Variants in NALCN observed in about 807,000 individuals in gnomAD.
NALCN encodes sodium leak channel, non-selective.
A neutral mutation model predicts 225.3 loss-of-function variants in NALCN; 111 were observed. That is an observed-to-expected ratio of 0.49 (90% CI 0.42 to 0.58). NALCN has a LOEUF of 0.58. NALCN is among the 20% of genes least tolerant of loss of function. The pLI is 0.00. For missense variants in NALCN, 1,378 were observed against 2,202.4 expected (o/e 0.63, Z 7.49); for synonymous variants, 764 against 769.0 (o/e 0.99, Z 0.11).
chr13:101,279,678 G>A (rs1273775309), intron 10 of NALCN, among the ~76,000 whole-genome samples: 7 of 149,022 alleles, frequency 4.7e-5, no homozygotes, highest in African/African-American at 7.3e-5. Context: ...TTAGCCGGGC[G>A]TAGTGGCGGG....
intron 6 of NALCN, among the ~76,000 whole-genome samples, chr13:101,354,254 A>G (rs1202902297): frequency 6.6e-6 from 1 of 152,176 alleles, no homozygotes; most frequent in African/African-American, 2.4e-5. Flanking sequence ...GAGGCAGGAG[A>G]ATCACTTGAA....
intron 13 of NALCN, among the ~76,000 whole-genome samples, chr13:101,223,696 G>A (rs1007716049): frequency 2.0e-5 from 3 of 152,032 alleles, no homozygotes; most frequent in African/African-American, 4.8e-5. Context: ...ATAAAGACTC[G>A]GTTACACTTT....
intron 12 of NALCN, among the ~76,000 whole-genome samples, chr13:101,233,307 T>C (rs1383457547): frequency 6.6e-6 from 1 of 152,100 alleles, no homozygotes; most frequent in Non-Finnish European, 1.5e-5. Flanking sequence ...TAGTTAAGAA[T>C]ATGAACTCTG....
At chr13:101,263,351 T>G (rs908346685) in intron 10 of NALCN, among the ~76,000 whole-genome samples, 1 of 152,210 alleles carries the variant, frequency 6.6e-6, no homozygotes, top group Non-Finnish European at 1.5e-5. Flanking sequence ...CATTAAAATT[T>G]TTATTGTTAT....
At chr13:101,260,154 G>A (rs919098170) in intron 10 of NALCN, among the ~76,000 whole-genome samples, 22 of 151,964 alleles carry the variant, frequency 1.4e-4, no homozygotes, top group Non-Finnish European at 5.9e-5. Context: ...GGCTTATTTC[G>A]CTTAACATAA....
In NALCN at chr13:101,083,152, T is replaced by C; in HGVS notation, c.3630A>G (p.Pro1210=). ...RAKMYDITQH[P]FFKRTIALLV... is the part of the protein sequence containing the mutation. ...GTAATGCGATTGTCCTCTTAAAAAA[T>C]GGATGCTGGGTTATGTCATACATTT... Residue 1210 remains proline (P), a synonymous_variant, in exon 32 of 44, where the codon CCA becomes CCG. Coordinates refer to ENST00000251127, the MANE Select transcript of NALCN (RefSeq NM_052867.4). 6.2e-7 allele frequency: 1 copy of C among 1,614,156 alleles called. No homozygotes were observed. Among genetic ancestry groups the C allele is most frequent in the East Asian group, 2.2e-5 (1 of 44,876 alleles).
intron 11 of NALCN, among the ~76,000 whole-genome samples, chr13:101,254,171 C>T (rs1003506725): frequency 2.8e-4 from 42 of 151,474 alleles, no homozygotes; most frequent in African/African-American, 8.2e-4. Context: ...TCGCTCGAGC[C>T]CAGGAGTTTG....
At chr13:101,384,400 A>G (rs2046930548) in intron 3 of NALCN, among the ~76,000 whole-genome samples, 1 of 152,054 alleles carries the variant, frequency 6.6e-6, no homozygotes, top group Non-Finnish European at 1.5e-5. Context: ...ACTGCCAATC[A>G]ACGATAAGGT....
chr13:101,107,387 G>T, intron 22 of NALCN, 100 bp downstream of exon 22: 1 of 1,562,768 alleles, frequency 6.4e-7, no homozygotes, highest in South Asian at 1.1e-5. Context: ...TTTATTTTGT[G>T]ACCCCATTAG....
chr13:101,093,050 A>G (rs1000172014), intron 28 of NALCN, among the ~76,000 whole-genome samples: 4 of 152,136 alleles, frequency 2.6e-5, no homozygotes, highest in African/African-American at 7.2e-5. Context: ...CAATAAATAC[A>G]TTTATTATAA....
At chr13:101,097,974 T>G (rs2034605875) in intron 27 of NALCN, among the ~76,000 whole-genome samples, 1 of 152,202 alleles carries the variant, frequency 6.6e-6, no homozygotes. Context: ...TCCAGAAGGA[T>G]TAAGTGACCA....
chr13:101,149,092 G>A (rs2139814832), intron 15 of NALCN, among the ~76,000 whole-genome samples: 2 of 152,268 alleles, frequency 1.3e-5, no homozygotes, highest in Non-Finnish European at 2.9e-5. Flanking sequence ...AGGAGATCGA[G>A]ACCATCCTGG....
intron 14 of NALCN, among the ~76,000 whole-genome samples, chr13:101,190,523 G>C (rs1309689361): frequency 6.6e-6 from 1 of 152,198 alleles, no homozygotes. Flanking sequence ...CATTCCTATT[G>C]CACAATGTTC....
chr13:101,408,182 T>C, intron 1 of NALCN, among the ~76,000 whole-genome samples: 1 of 152,222 alleles, frequency 6.6e-6, no homozygotes, highest in East Asian at 1.9e-4. Flanking sequence ...AACAGTCTTC[T>C]TTCCCAGAGA....
At chr13:101,064,021 G>A (rs2032170526) in intron 40 of NALCN, among the ~76,000 whole-genome samples, 1 of 152,148 alleles carries the variant, frequency 6.6e-6, no homozygotes, top group Non-Finnish European at 1.5e-5. Context: ...AAACGGCAGT[G>A]ATAAAGTAAC....
At chr13:101,391,899 G>C (rs1022944279) in intron 3 of NALCN, among the ~76,000 whole-genome samples, 1 of 149,746 alleles carries the variant, frequency 6.7e-6, no homozygotes, top group Non-Finnish European at 1.5e-5. Context: ...CAGGAGAATC[G>C]CTTGAACCTG....
At chr13:101,271,207 ACTG>A (rs1433971613) in intron 10 of NALCN, among the ~76,000 whole-genome samples, 23 of 152,072 alleles carry the variant, frequency 1.5e-4, no homozygotes, top group African/African-American at 3.9e-4. Flanking sequence ...TAAAAATAAC[ACTG>A]ATATTTTAAT....
At chr13:101,300,605 ACGCTCAGCCT>A (rs1397337588) in intron 7 of NALCN, among the ~76,000 whole-genome samples, 1 of 152,010 alleles carries the variant, frequency 6.6e-6, no homozygotes, top group Admixed American at 6.5e-5. Context: ...ATAAGCCACC[ACGCTCAGCCT>A]CAAAAAAATA....
chr13:101,240,998 T>C (rs1045591944), intron 11 of NALCN, among the ~76,000 whole-genome samples: 1 of 152,234 alleles, frequency 6.6e-6, no homozygotes, highest in African/African-American at 2.4e-5. Context: ...GCTAAGATTA[T>C]GCTAGCTTTA....
Sources: allele counts gnomAD v4.1 joint callset (sites outside exome capture counted in the v4.1 genomes callset), GRCh38; gene constraint gnomAD v4.1.1; transcripts MANE v1.5; gene names NCBI Gene and HGNC (gene_info 2026-07-23, HGNC 2026-07-21).